The following ZNF385D variants were observed in gnomAD, a reference collection of about 807,000 sequenced individuals.
The protein encoded by ZNF385D is zinc finger protein 659.
In ZNF385D, 15 loss-of-function variants were observed where a neutral mutation model predicts 35.8. That is an observed-to-expected ratio of 0.42 (90% CI 0.28 to 0.64). The LOEUF is 0.64. Ranked by LOEUF, ZNF385D falls within the 30% of genes least tolerant of loss-of-function variation. ZNF385D has a pLI of 0.23. For missense variants in ZNF385D, 474 were observed against 494.6 expected, an observed-to-expected ratio of 0.96 and a Z score of 0.39; for synonymous variants, 212 against 186.8, an observed-to-expected ratio of 1.13 and a Z score of -1.10.
At chr3:22,030,285 A>ATGTGTG (rs1211853599) in intron 3 of ZNF385D, among the ~76,000 whole-genome samples, 2 of 86,744 alleles carry the variant, frequency 2.3e-5, no homozygotes, top group African/African-American at 1.1e-4. Context: ...ATATATATAT[A>ATGTGTG]TATATATATA....
chr3:21,437,701 C>CAAAAAAAAAACAAAAAAAAAAAAAA (rs1701632411), intron 4 of ZNF385D, among the ~76,000 whole-genome samples: 1 of 77,196 alleles, frequency 1.3e-5, no homozygotes, highest in African/African-American at 5.2e-5. Flanking sequence ...AATGCTTATA[C>CAAAAAAAAAACAAAAAAAAAAAAAA]AAAAAAAAAA....
intron 2 of ZNF385D, among the ~76,000 whole-genome samples, chr3:22,261,451 C>G (rs905849937): frequency 5.9e-5 from 9 of 151,898 alleles, no homozygotes; most frequent in African/African-American, 1.9e-4. Context: ...GAATAAAAGT[C>G]TAGGCTGTCT....
chr3:22,267,078 A>T (rs1463707304), intron 2 of ZNF385D, among the ~76,000 whole-genome samples: 1 of 151,978 alleles, frequency 6.6e-6, no homozygotes, highest in Non-Finnish European at 1.5e-5. Context: ...AAGCATAAAG[A>T]GGTAAATTTA....
intron 2 of ZNF385D, among the ~76,000 whole-genome samples, chr3:21,573,781 T>C (rs1841916): frequency 0.9 from 137,097 of 152,030 alleles, 62,012 homozygotes; most frequent in African/African-American, 0.97. Context: ...AATAATGGGC[T>C]GGGCACGGTG....
intron 3 of ZNF385D, among the ~76,000 whole-genome samples, chr3:22,041,294 G>A (rs1054782375): frequency 7.9e-5 from 12 of 152,080 alleles, no homozygotes; most frequent in Non-Finnish European, 1.5e-4. Context: ...ACTATAGCCA[G>A]GCATCTATAG....
intron 2 of ZNF385D, among the ~76,000 whole-genome samples, chr3:22,202,860 G>A (rs1696894499): frequency 6.6e-6 from 1 of 152,112 alleles, no homozygotes; most frequent in Non-Finnish European, 1.5e-5. Flanking sequence ...CTAGACAGAG[G>A]GGAATCACCC....
At chr3:21,837,416 A>G (rs982712598) in intron 3 of ZNF385D, among the ~76,000 whole-genome samples, 1 of 152,072 alleles carries the variant, frequency 6.6e-6, no homozygotes, top group African/African-American at 2.4e-5. Context: ...CAGATGGTTC[A>G]GTTGGGATGG....
intron 1 of ZNF385D, among the ~76,000 whole-genome samples, chr3:21,682,379 A>C (rs2066944423): frequency 6.7e-6 from 1 of 150,234 alleles, no homozygotes; most frequent in Admixed American, 6.6e-5. Context: ...AGGTACTGGC[A>C]ATGTTTTTGT....
intron 2 of ZNF385D, among the ~76,000 whole-genome samples, chr3:22,358,419 A>C (rs1696254030): frequency 6.6e-6 from 1 of 151,886 alleles, no homozygotes; most frequent in African/African-American, 2.4e-5. Flanking sequence ...CTTTGTTCAA[A>C]AGTTGCATTC....
intron 2 of ZNF385D, among the ~76,000 whole-genome samples, chr3:21,653,392 A>G (rs2335813): frequency 0.57 from 87,000 of 151,768 alleles, 26,241 homozygotes; most frequent in Non-Finnish European, 0.66. Flanking sequence ...ACATTTTTGA[A>G]CCAAGTCTCC....
chr3:22,120,906 T>A (rs1703059177), intron 3 of ZNF385D, among the ~76,000 whole-genome samples: 1 of 152,286 alleles, frequency 6.6e-6, no homozygotes, highest in Admixed American at 6.5e-5. Flanking sequence ...GAAGAGAACT[T>A]TGAGACCATC....
chr3:22,153,984 A>T (rs73821309), intron 3 of ZNF385D, among the ~76,000 whole-genome samples: 2 of 152,148 alleles, frequency 1.3e-5, no homozygotes, highest in Non-Finnish European at 2.9e-5. Flanking sequence ...TAGATAACTC[A>T]TCACCTTTAG....
intron 2 of ZNF385D, among the ~76,000 whole-genome samples, chr3:22,206,079 T>C (rs975136100): frequency 1.3e-5 from 2 of 151,454 alleles, no homozygotes; most frequent in Admixed American, 1.3e-4. Flanking sequence ...AATAAAAGGA[T>C]GGAAAAAGAT....
intron 4 of ZNF385D, among the ~76,000 whole-genome samples, chr3:21,458,315 G>GAAA (rs4045438): frequency 2.8e-4 from 40 of 141,578 alleles, no homozygotes; most frequent in South Asian, 1.8e-3. Context: ...ACTCTTAAAG[G>GAAA]AAAAAAAAAA....
intron 1 of ZNF385D, among the ~76,000 whole-genome samples, chr3:21,734,727 A>G (rs80311619): frequency 6.6e-5 from 10 of 152,158 alleles, no homozygotes; most frequent in African/African-American, 2.2e-4. Context: ...AGAAATTTGG[A>G]CCCCACGTGT....
chr3:22,019,652 G>A (rs149170568), intron 3 of ZNF385D, among the ~76,000 whole-genome samples: 107 of 152,020 alleles, frequency 7.0e-4, no homozygotes, highest in Non-Finnish European at 3.5e-4. Flanking sequence ...ATACCAACAT[G>A]TTGAATACCA....
intron 3 of ZNF385D, among the ~76,000 whole-genome samples, chr3:22,091,668 T>C (rs1701338658): frequency 6.6e-6 from 1 of 152,104 alleles, no homozygotes; most frequent in Non-Finnish European, 1.5e-5. Flanking sequence ...CCTAAGTCAG[T>C]CCACAGACAC....
chr3:22,362,011 C>T (rs553299039), intron 2 of ZNF385D, among the ~76,000 whole-genome samples: 7 of 151,330 alleles, frequency 4.6e-5, no homozygotes, highest in South Asian at 2.1e-4. Flanking sequence ...TAATGGCAGA[C>T]GTTTGTTATT....
At chr3:21,851,114 A>G (rs1696356604) in intron 3 of ZNF385D, among the ~76,000 whole-genome samples, 1 of 152,032 alleles carries the variant, frequency 6.6e-6, no homozygotes, top group Admixed American at 6.6e-5. Flanking sequence ...AGAAAACATA[A>G]AAACAATGAA....
Sources: gnomAD v4.1 joint callset for allele counts (sites outside exome capture counted in the v4.1 genomes callset) on GRCh38, gnomAD v4.1.1 for gene constraint, MANE v1.5 for transcripts, NCBI Gene and HGNC (gene_info 2026-07-23, HGNC 2026-07-21) for gene names.